The following DCC variants were observed in gnomAD, a reference collection of about 807,000 sequenced individuals.
DCC encodes DCC netrin 1 receptor.
DCC carries 58 observed loss-of-function variants against 172.5 expected under a neutral mutation model. That is an observed-to-expected ratio of 0.34 (90% confidence interval 0.27 to 0.42). DCC has a LOEUF of 0.42. DCC is among the 10% of genes least tolerant of loss of function. DCC has a pLI of 1.00. For missense variants in DCC, 1,740 were observed against 1,791.0 expected, an observed-to-expected ratio of 0.97 and a Z score of 0.51; for synonymous variants, 709 against 644.5, an observed-to-expected ratio of 1.10 and a Z score of -1.52.
intron 21 of DCC, among the ~76,000 whole-genome samples, chr18:53,433,827 C>T (rs1327711702): frequency 6.6e-6 from 1 of 152,150 alleles, no homozygotes; most frequent in Non-Finnish European, 1.5e-5. Flanking sequence ...TCCTTACATA[C>T]TCACAGTCAT....
intron 1 of DCC, among the ~76,000 whole-genome samples, chr18:52,488,525 G>T (rs573849333): frequency 1.3e-5 from 2 of 152,148 alleles, no homozygotes; most frequent in Admixed American, 1.3e-4. Context: ...AGAAAGGAGA[G>T]AGAAAATGCA....
At chr18:52,851,785 G>A (rs1030137954) in intron 2 of DCC, among the ~76,000 whole-genome samples, 1 of 152,082 alleles carries the variant, frequency 6.6e-6, no homozygotes, top group African/African-American at 2.4e-5. Context: ...TATTCTAGCT[G>A]CTGGATATTG....
intron 2 of DCC, among the ~76,000 whole-genome samples, chr18:52,760,002 G>A (rs2037133688): frequency 6.6e-6 from 1 of 152,154 alleles, no homozygotes; most frequent in Non-Finnish European, 1.5e-5. Context: ...AGTAAGGTCT[G>A]ATTGTTCAAA....
chr18:53,230,893 T>C (rs1374037258), intron 12 of DCC, among the ~76,000 whole-genome samples: 1 of 152,094 alleles, frequency 6.6e-6, no homozygotes, highest in Non-Finnish European at 1.5e-5. Context: ...GAAGGAAGGA[T>C]GTAAGTCTGT....
chr18:52,721,763 G>A (rs1430367763), intron 1 of DCC, among the ~76,000 whole-genome samples: 1 of 152,152 alleles, frequency 6.6e-6, no homozygotes, highest in African/African-American at 2.4e-5. Flanking sequence ...AGTGGCTCAT[G>A]CCTGTAATCT....
At chr18:53,217,286 CACACACACACACACAT>C (rs1346442831) in intron 12 of DCC, among the ~76,000 whole-genome samples, 3 of 119,362 alleles carry the variant, frequency 2.5e-5, no homozygotes, top group Admixed American at 8.0e-5. Context: ...CACACACACA[CACACACACACACACAT>C]ATGTATATAC....
intron 1 of DCC, among the ~76,000 whole-genome samples, chr18:52,490,718 G>C (rs1286679987): frequency 6.6e-6 from 1 of 151,922 alleles, no homozygotes; most frequent in Non-Finnish European, 1.5e-5. Context: ...CTTGAAGTTG[G>C]GCATCATTGG....
At chr18:53,435,869 C>T (rs1362256415) in intron 22 of DCC, among the ~76,000 whole-genome samples, 1 of 152,112 alleles carries the variant, frequency 6.6e-6, no homozygotes, top group Non-Finnish European at 1.5e-5. Context: ...CTGAAACAAA[C>T]TTTAAAAGGA....
intron 2 of DCC, among the ~76,000 whole-genome samples, chr18:52,855,280 C>G (rs1420926173): frequency 6.6e-6 from 1 of 152,146 alleles, no homozygotes; most frequent in African/African-American, 2.4e-5. Context: ...TATGGCACTT[C>G]CAATAATTTG....
At chr18:52,393,600 C>G (rs1250500117) in intron 1 of DCC, among the ~76,000 whole-genome samples, 1 of 152,068 alleles carries the variant, frequency 6.6e-6, no homozygotes, top group Admixed American at 6.6e-5. Flanking sequence ...ATGAAAATTC[C>G]TGGAACAAAA....
At position 53,530,762 on chromosome 18, in the gene DCC, C is replaced by T; in HGVS notation, c.*109C>T. ...GAACTCTAACCAGTGTACAGGTCAC[C>T]CATCAGGACCACTCAGTTAAGGAAG... On this transcript the variant is annotated 3_prime_UTR_variant, in exon 29 of 29. Transcript: ENST00000442544. The T allele has an allele frequency of 1.3e-6, 1 of 755,684 alleles. No individual in the cohort carries two copies. The highest frequency in any genetic ancestry group is 2.4e-6 in the Non-Finnish European group (1 of 408,932). 46.8% of individuals were successfully genotyped at this position (755,684 alleles called of 1,614,324 possible). A position where few individuals can be genotyped will look rare whatever the true frequency, so the allele number is the denominator to read the frequency against.
intron 12 of DCC, among the ~76,000 whole-genome samples, chr18:53,229,015 A>G (rs1359097029): frequency 6.6e-6 from 1 of 152,142 alleles, no homozygotes; most frequent in Non-Finnish European, 1.5e-5. Context: ...TATAATATAC[A>G]TTTCCTAATG....
chr18:52,341,295 G>C (rs999915348), intron 1 of DCC, among the ~76,000 whole-genome samples: 2 of 152,116 alleles, frequency 1.3e-5, no homozygotes, highest in Non-Finnish European at 2.9e-5. Context: ...CTTTGAGGAA[G>C]TCTGCGCAGA....
intron 5 of DCC, among the ~76,000 whole-genome samples, chr18:52,934,150 A>G (rs2040348489): frequency 6.6e-6 from 1 of 152,100 alleles, no homozygotes; most frequent in Non-Finnish European, 1.5e-5. Flanking sequence ...AACAGCAACT[A>G]GTCCCTACGT....
At chr18:52,464,423 G>A (rs79076349) in intron 1 of DCC, among the ~76,000 whole-genome samples, 2,709 of 152,248 alleles carry the variant, frequency 0.018, 89 homozygotes, top group African/African-American at 0.062. Context: ...CAGAATAGGT[G>A]TAACTAAGCT....
intron 12 of DCC, among the ~76,000 whole-genome samples, chr18:53,256,387 G>T (rs1326619353): frequency 6.6e-6 from 1 of 152,082 alleles, no homozygotes; most frequent in Non-Finnish European, 1.5e-5. Flanking sequence ...ATTAATTTTT[G>T]TATAAGGTGT....
At chr18:52,804,225 C>G (rs1445616368) in intron 2 of DCC, among the ~76,000 whole-genome samples, 1 of 140,388 alleles carries the variant, frequency 7.1e-6, no homozygotes, top group African/African-American at 2.6e-5. Context: ...ACTTTACATT[C>G]TTCATCTTAT....
chr18:52,807,152 G>A (rs1319803870), intron 2 of DCC, among the ~76,000 whole-genome samples: 4 of 152,200 alleles, frequency 2.6e-5, no homozygotes, highest in Admixed American at 6.5e-5. Context: ...CCGAGGTCGC[G>A]CCACTGCACT....
rs1478857183 is a variant in DCC at position 53,386,024 on chromosome 18, G to T, written c.2360-19G>T. 1.3e-6 allele frequency: 2 copies of T among 1,498,842 alleles called. No individual in the cohort carries two copies. The highest frequency in any genetic ancestry group is 1.9e-6 in the Non-Finnish European group (2 of 1,075,182). The allele number at this position is 1,498,842 out of a possible 1,614,324, so 92.8% of individuals were successfully genotyped here. On this transcript the variant is annotated intron_variant, in intron 15 of 28. Coordinates refer to ENST00000442544, the MANE Select transcript of DCC (RefSeq NM_005215.4). ...TTAAATATATCAACACGTTCATATT[G>T]TTTCTGTTTTTTCTCCAGAGTCAAG...
Sources: allele counts gnomAD v4.1 joint callset (sites outside exome capture counted in the v4.1 genomes callset), GRCh38; gene constraint gnomAD v4.1.1; transcripts MANE v1.5; gene names NCBI Gene and HGNC (gene_info 2026-07-23, HGNC 2026-07-21).